Variants in TTC28 observed in about 807,000 individuals in gnomAD.
TTC28 encodes the protein tetratricopeptide repeat protein 28.
Under a neutral mutation model 198.0 loss-of-function variants are expected in TTC28, and 61 were observed. The ratio of observed to expected loss-of-function variants is 0.31; its 90% confidence interval spans 0.25 to 0.38. TTC28 has a LOEUF of 0.38. Ranked by LOEUF, TTC28 falls within the 10% of genes least tolerant of loss-of-function variation. TTC28 has a pLI of 1.00. For synonymous variants in TTC28, 1,171 were observed against 1,297.8 expected, an observed-to-expected ratio of 0.90 and a Z score of 2.10; for missense variants, 2,678 against 3,164.0, an observed-to-expected ratio of 0.85 and a Z score of 3.69.
intron 2 of TTC28, among the ~76,000 whole-genome samples, chr22:28,512,359 C>T (rs181499837): frequency 1.2e-3 from 187 of 152,272 alleles, no homozygotes; most frequent in African/African-American, 4.4e-3. Flanking sequence ...TTATGGAAGA[C>T]GGTGTGGCAA....
At chr22:28,200,819 A>G (rs1358737752) in intron 5 of TTC28, among the ~76,000 whole-genome samples, 1 of 152,166 alleles carries the variant, frequency 6.6e-6, no homozygotes, top group African/African-American at 2.4e-5. Flanking sequence ...CTCTGCTGAG[A>G]CAAGCCCCTG....
intron 21 of TTC28, among the ~76,000 whole-genome samples, chr22:27,987,879 CTA>C (rs1238447724): frequency 2.5e-4 from 38 of 152,062 alleles, no homozygotes; most frequent in Admixed American, 2.5e-3. Context: ...TAGAAATTTA[CTA>C]TGTTTACACC....
chr22:27,990,025 G>A lies in TTC28; in HGVS notation c.5578-18C>T. 2 of 1,546,282 alleles carry A rather than the reference G, an allele frequency of 1.3e-6. No homozygotes were observed. Among genetic ancestry groups the A allele is most frequent in the East Asian group, 4.9e-5 (2 of 40,774 alleles). ...TGGTGGAGCTGAGGAAGGGGGGACAGCGTGAGCACCCTGTGTCTCCTTCCC... is the reference window on the plus strand; with the variant it reads ...TGGTGGAGCTGAGGAAGGGGGGACAACGTGAGCACCCTGTGTCTCCTTCCC... On this transcript the variant is annotated intron_variant, in intron 20 of 22. Transcript: ENST00000397906.
chr22:28,140,548 C>T (rs1407640981), intron 6 of TTC28, among the ~76,000 whole-genome samples: 2 of 152,158 alleles, frequency 1.3e-5, no homozygotes, highest in African/African-American at 4.8e-5. Flanking sequence ...TGTCCCATGT[C>T]GAGTTCTAAG....
At position 28,032,232 on chromosome 22, in the gene TTC28, TAA is replaced by T. The variant is rs1249072961; in HGVS notation, c.3933-1868_3933-1867del. Among the ~76,000 whole-genome samples the T allele has an allele frequency of 3.1e-5, 4 of 128,670 alleles. 1 individual carries two copies. The highest frequency in any genetic ancestry group is 4.9e-4 in the South Asian group (2 of 4,102). The allele number at this position is 128,670 out of a possible 152,430, so 84.4% of individuals were successfully genotyped here. Reference sequence around the variant, plus strand: ...TATATATATATAAAATATATATATATAAAATATATATATATAAAATATATATA... The same window carrying T: ...TATATATATATAAAATATATATATATAATATATATATATAAAATATATATA... On this transcript the variant is annotated intron_variant, in intron 12 of 22. Transcript: ENST00000397906.
chr22:28,385,761 G>T (rs546688170), intron 2 of TTC28, among the ~76,000 whole-genome samples: 4 of 152,134 alleles, frequency 2.6e-5, no homozygotes, highest in East Asian at 3.9e-4. Flanking sequence ...CTACAATTTA[G>T]CTCCATCCTA....
chr22:28,351,426 C>A (rs1259172160), intron 2 of TTC28, among the ~76,000 whole-genome samples: 6 of 152,168 alleles, frequency 3.9e-5, no homozygotes, highest in Admixed American at 3.9e-4. Context: ...CGTGGGCTCT[C>A]TTGATCTCAA....
At chr22:28,396,025 T>C (rs1373168028) in intron 2 of TTC28, among the ~76,000 whole-genome samples, 2 of 152,226 alleles carry the variant, frequency 1.3e-5, no homozygotes, top group Non-Finnish European at 2.9e-5. Flanking sequence ...GCAAAACTTA[T>C]TTATCATTAT....
At chr22:28,603,633 G>A (rs948821902) in intron 2 of TTC28, among the ~76,000 whole-genome samples, 2 of 152,026 alleles carry the variant, frequency 1.3e-5, no homozygotes, top group Admixed American at 1.3e-4. Flanking sequence ...GTCCTCAAGC[G>A]ATTCTCCTGC....
intron 2 of TTC28, among the ~76,000 whole-genome samples, chr22:28,609,982 C>G (rs1228026366): frequency 6.6e-6 from 1 of 152,190 alleles, no homozygotes; most frequent in Non-Finnish European, 1.5e-5. Flanking sequence ...GAAGTTCAAA[C>G]TCGGTATAGC....
intron 12 of TTC28, among the ~76,000 whole-genome samples, chr22:28,065,712 A>T (rs1038868280): frequency 6.6e-6 from 1 of 152,188 alleles, no homozygotes; most frequent in Non-Finnish European, 1.5e-5. Flanking sequence ...TGACAAAATT[A>T]TTCAACTTTA....
At chr22:28,380,580 C>T (rs2046479319) in intron 2 of TTC28, among the ~76,000 whole-genome samples, 1 of 152,040 alleles carries the variant, frequency 6.6e-6, no homozygotes, top group Non-Finnish European at 1.5e-5. Flanking sequence ...ATCCTTTATG[C>T]TGATGAATAA....
intron 2 of TTC28, among the ~76,000 whole-genome samples, chr22:28,350,125 T>C (rs899955681): frequency 6.6e-6 from 1 of 152,216 alleles, no homozygotes; most frequent in Non-Finnish European, 1.5e-5. Context: ...TCTTTGTCCC[T>C]TCCTACACAT....
At chr22:28,389,474 G>C (rs1569299205) in intron 2 of TTC28, among the ~76,000 whole-genome samples, 2 of 149,446 alleles carry the variant, frequency 1.3e-5, no homozygotes, top group East Asian at 2.0e-4. Flanking sequence ...TCTGGTCCTG[G>C]ACTCTTTTTG....
chr22:28,109,037 C>A (rs1942407849), intron 6 of TTC28, among the ~76,000 whole-genome samples: 1 of 152,228 alleles, frequency 6.6e-6, no homozygotes, highest in Non-Finnish European at 1.5e-5. Flanking sequence ...GCATAAGCAG[C>A]CTGGCAAGAA....
chr22:28,285,687 A>G (rs1399013840), intron 5 of TTC28, among the ~76,000 whole-genome samples: 1 of 152,208 alleles, frequency 6.6e-6, no homozygotes, highest in Non-Finnish European at 1.5e-5. Flanking sequence ...GAATACATAT[A>G]ATTTGTATTC....
At chr22:28,340,290 T>C (rs1427952203) in intron 2 of TTC28, among the ~76,000 whole-genome samples, 1 of 152,088 alleles carries the variant, frequency 6.6e-6, no homozygotes, top group African/African-American at 2.4e-5. Context: ...AAAATCACAT[T>C]TCTATGAAAT....
intron 2 of TTC28, among the ~76,000 whole-genome samples, chr22:28,488,520 A>AT (rs142825474): frequency 0.09 from 13,661 of 152,198 alleles, 1,106 homozygotes; most frequent in African/African-American, 0.22. Context: ...ATTATTATCA[A>AT]TGGGTATGTT....
chr22:28,043,342 G>A (rs951789125), intron 12 of TTC28, among the ~76,000 whole-genome samples: 1 of 150,550 alleles, frequency 6.6e-6, no homozygotes. Context: ...GATTGTATCA[G>A]ACGTGTATTA....
Sources: gnomAD v4.1 joint callset for allele counts (sites outside exome capture counted in the v4.1 genomes callset) on GRCh38, gnomAD v4.1.1 for gene constraint, MANE v1.5 for transcripts, NCBI Gene and HGNC (gene_info 2026-07-23, HGNC 2026-07-21) for gene names.